MRPL1: variants seen among roughly 807,000 people sequenced by gnomAD.
MRPL1 encodes mitochondrial ribosomal protein L1.
In MRPL1, 28 loss-of-function variants were observed where a neutral mutation model predicts 38.0. That is an observed-to-expected ratio of 0.74 (90% CI 0.55 to 1.01). The LOEUF (loss-of-function observed/expected upper bound fraction) is 1.01, where lower values mean the gene tolerates loss of function less well. MRPL1 is among the 50% of genes least tolerant of loss of function. MRPL1 has a pLI of 0.00. For missense variants in MRPL1, 358 were observed against 389.8 expected (o/e 0.92, Z 0.69); for synonymous variants, 123 against 126.7 (o/e 0.97, Z 0.20).
At chr4:77,895,242 T>G (rs560756967) in intron 6 of MRPL1, among the ~76,000 whole-genome samples, 1 of 152,138 alleles carries the variant, frequency 6.6e-6, no homozygotes, top group African/African-American at 2.4e-5. Flanking sequence ...CCAGTTCAGG[T>G]ACAATGGCAA....
chr4:77,883,340 A>T lies in MRPL1; in HGVS notation c.242A>T (p.Glu81Val). ...KIKAYPYMEG[E>V]PEDDVYLKRL... ...AAAGCATATCCCTATATGGAAGGCG[A>T]ACCTGAGGATGATGTCTATTTAAAA... is the stretch of plus-strand genomic sequence containing the variant. Residue 81 changes from glutamate to valine, a missense_variant, in exon 3 of 9, where the codon GAA becomes GTA. By Grantham distance (121) the Glu-to-Val change is moderately radical. Coordinates refer to ENST00000315567, the MANE Select transcript of MRPL1 (RefSeq NM_020236.4). 1.2e-6 allele frequency: 2 copies of T among 1,613,920 alleles called. No homozygotes were observed. The highest frequency in any genetic ancestry group is 1.7e-6 in the Non-Finnish European group (2 of 1,179,916).
intron 7 of MRPL1, among the ~76,000 whole-genome samples, chr4:77,918,996 G>T (rs978225033): frequency 6.6e-6 from 1 of 152,098 alleles, no homozygotes; most frequent in African/African-American, 2.4e-5. Flanking sequence ...GAGTAATATC[G>T]CTGGAATTGT....
intron 5 of MRPL1, among the ~76,000 whole-genome samples, chr4:77,888,308 C>A (rs1248928222): frequency 2.6e-5 from 4 of 152,096 alleles, no homozygotes; most frequent in Non-Finnish European, 5.9e-5. Context: ...AGTTTGGGAC[C>A]AGCCTGGCCA....
At chr4:77,902,186 G>A (rs1736050543) in intron 6 of MRPL1, among the ~76,000 whole-genome samples, 1 of 152,126 alleles carries the variant, frequency 6.6e-6, no homozygotes, top group South Asian at 2.1e-4. Context: ...TGCAGCTGAA[G>A]CAGTACTTAG....
intron 1 of MRPL1, among the ~76,000 whole-genome samples, chr4:77,863,302 T>C (rs905121866): frequency 6.6e-6 from 1 of 152,110 alleles, no homozygotes; most frequent in African/African-American, 2.4e-5. Flanking sequence ...ATTACTTCGT[T>C]ATAGGCGATT....
intron 7 of MRPL1, among the ~76,000 whole-genome samples, chr4:77,941,509 G>A (rs1307925265): frequency 1.3e-5 from 2 of 152,032 alleles, no homozygotes; most frequent in African/African-American, 4.8e-5. Context: ...GGAATTTTTT[G>A]TTGGCAGTTT....
intron 1 of MRPL1, among the ~76,000 whole-genome samples, chr4:77,867,583 AC>A (rs1417356335): frequency 6.6e-6 from 1 of 151,620 alleles, no homozygotes; most frequent in Admixed American, 6.6e-5. Context: ...ACGGGGTCTC[AC>A]TATGTTGCCC....
chr4:77,924,189 A>T (rs957846996), intron 7 of MRPL1, among the ~76,000 whole-genome samples: 2 of 149,256 alleles, frequency 1.3e-5, no homozygotes, highest in Admixed American at 1.3e-4. Context: ...TAGTTTGATG[A>T]TTGTTAGATT....
intron 6 of MRPL1, among the ~76,000 whole-genome samples, chr4:77,908,742 G>A (rs999299196): frequency 2.0e-5 from 3 of 152,166 alleles, no homozygotes; most frequent in Admixed American, 2.0e-4. Context: ...TAGCAGAGTT[G>A]GGTTCTCTGC....
At chr4:77,922,746 G>T (rs1736607393) in intron 7 of MRPL1, among the ~76,000 whole-genome samples, 2 of 152,198 alleles carry the variant, frequency 1.3e-5, no homozygotes. Context: ...GACAAAACTG[G>T]AATAATGAAG....
In MRPL1 at chr4:77,952,758, A is replaced by G; in HGVS notation, c.*151A>G. 1 of 580,964 alleles carries G rather than the reference A, an allele frequency of 1.7e-6. No individual in the cohort carries two copies. Among genetic ancestry groups the G allele is most frequent in the Non-Finnish European group, 3.0e-6 (1 of 338,968 alleles). 36.0% of individuals were successfully genotyped at this position (580,964 alleles called of 1,614,324 possible). On this transcript the variant is annotated 3_prime_UTR_variant, in exon 9 of 9. Coordinates refer to ENST00000315567, the MANE Select transcript of MRPL1 (RefSeq NM_020236.4). ...AAATCGTACAGTCATTTCAAGAATA[A>G]GAAAATAAAATTTTCTCTTTGTCTG...
At position 77,930,995 on chromosome 4, in the gene MRPL1, A is replaced by C. The variant is rs72871105; in HGVS notation, c.778-18802A>C. Among the ~76,000 whole-genome samples, 91 of 152,342 alleles carry C rather than the reference A, an allele frequency of 6.0e-4. 1 individual carries two copies. The highest frequency in any genetic ancestry group is 2.1e-3 in the African/African-American group (86 of 41,588). On this transcript the variant is annotated intron_variant, in intron 7 of 8. Transcript: ENST00000315567. ...AGACTGCCAGCCAAAAGAAAGCTGC[A>C]TTTAAAAGAAATACCAAGAGCAAGA...
intron 5 of MRPL1, among the ~76,000 whole-genome samples, chr4:77,888,461 C>T (rs917271275): frequency 1.3e-5 from 2 of 152,026 alleles, no homozygotes; most frequent in Admixed American, 6.6e-5. Context: ...GCCGAGATTG[C>T]GCCTACACTC....
chr4:77,871,785 T>C lies in MRPL1; in HGVS notation c.73T>C (p.Tyr25His). 6.3e-7 allele frequency: 1 copy of C among 1,599,474 alleles called. No homozygotes were observed. Among genetic ancestry groups the C allele is most frequent in the South Asian group, 1.2e-5 (1 of 86,490 alleles). Residue 25 changes from tyrosine to histidine, a missense_variant, in exon 2 of 9, where the codon TAT becomes CAT. Tyr to His is a moderately conservative substitution (Grantham distance 83). Transcript: ENST00000315567. ...AAGGCATAGCCTTTCCAAGATGGTT[T>C]ATCAGACATCACTTTGTTCTTGTTC... Reference protein sequence around the residue: ...HQRHSLSKMVYQTSLCSCSVN... With the variant: ...HQRHSLSKMVHQTSLCSCSVN...
chr4:77,941,122 G>A (rs147670238), intron 7 of MRPL1, among the ~76,000 whole-genome samples: 137 of 152,182 alleles, frequency 9.0e-4, no homozygotes, highest in African/African-American at 3.1e-3. Flanking sequence ...AAAATTAGCC[G>A]GGCGTGGTGG....
chr4:77,896,390 G>C (rs1735914321), intron 6 of MRPL1, among the ~76,000 whole-genome samples: 1 of 152,142 alleles, frequency 6.6e-6, no homozygotes, highest in African/African-American at 2.4e-5. Flanking sequence ...TGAGTGAAGA[G>C]ATGGACCTTT....
At chr4:77,892,196 A>G (rs920803891) in intron 5 of MRPL1, among the ~76,000 whole-genome samples, 3 of 151,342 alleles carry the variant, frequency 2.0e-5, no homozygotes, top group Admixed American at 1.3e-4. Context: ...CAATGGCGCA[A>G]TCTCGGCTCA....
rs1046994083 is a variant in MRPL1, at chr4:77,934,730, A to G, written c.778-15067A>G. ...AGCAGGGACTTGAACAGATGATGGC[A>G]TACCCATGTTCACAGTAGCATTCAC... On this transcript the variant is annotated intron_variant, in intron 7 of 8. Transcript: ENST00000315567. Among the ~76,000 whole-genome samples the G allele has an allele frequency of 7.2e-4, 110 of 152,348 alleles. 1 individual carries two copies. The highest frequency in any genetic ancestry group is 2.5e-3 in the African/African-American group (102 of 41,588).
intron 7 of MRPL1, among the ~76,000 whole-genome samples, chr4:77,915,709 G>A (rs1578052900): frequency 6.6e-6 from 1 of 152,164 alleles, no homozygotes; most frequent in Non-Finnish European, 1.5e-5. Flanking sequence ...CCACTGCCCC[G>A]GCCTTAGTTT....
Sources: allele counts gnomAD v4.1 joint callset (sites outside exome capture counted in the v4.1 genomes callset), GRCh38; gene constraint gnomAD v4.1.1; transcripts MANE v1.5; gene names NCBI Gene and HGNC (gene_info 2026-07-23, HGNC 2026-07-21).